The following LITAF variants were observed in gnomAD, a reference collection of about 807,000 sequenced individuals.
LITAF encodes the protein lipopolysaccharide induced TNF factor.
LITAF carries 9 observed loss-of-function variants against 14.5 expected under a neutral mutation model. That is an observed-to-expected ratio of 0.62 (90% CI 0.37 to 1.08). The LOEUF is 1.08. LITAF is among the 50% of genes least tolerant of loss of function. The pLI is 0.01. For missense variants in LITAF, 206 were observed against 213.4 expected (o/e 0.97, Z 0.22); for synonymous variants, 98 against 88.2 (o/e 1.11, Z -0.62).
intron 3 of LITAF, among the ~76,000 whole-genome samples, chr16:11,631,756 C>T (rs2065118831): frequency 2.0e-5 from 3 of 152,112 alleles, no homozygotes; most frequent in South Asian, 2.1e-4. Flanking sequence ...CACAGACACC[C>T]GTCATTGGGT....
intron 3 of LITAF, among the ~76,000 whole-genome samples, chr16:11,611,944 T>C (rs1197462893): frequency 6.6e-6 from 1 of 152,156 alleles, no homozygotes; most frequent in African/African-American, 2.4e-5. Flanking sequence ...GGATGACAGG[T>C]GTGAGCCGCT....
upstream of LITAF, among the ~76,000 whole-genome samples, chr16:11,638,074 A>C (rs189633227): frequency 1.3e-4 from 16 of 121,188 alleles, 3 homozygotes; most frequent in African/African-American, 4.4e-4. Context: ...ATCTATATAT[A>C]TATCTATATC....
At chr16:11,623,680 C>G (rs896767595) in intron 3 of LITAF, among the ~76,000 whole-genome samples, 1 of 148,716 alleles carries the variant, frequency 6.7e-6, no homozygotes, top group Admixed American at 6.8e-5. Context: ...AAGGATCTCT[C>G]TCTTGGCCAA....
rs1017195885 is a variant in LITAF, at chr16:11,558,371, A to G, written c.-5-1636T>C. Reference sequence around the variant, plus strand: ...GATAGCCTGAGCCCAGGATCTCAAGACTAACCTGGGCAACATGGTGAGACC... The same window carrying G: ...GATAGCCTGAGCCCAGGATCTCAAGGCTAACCTGGGCAACATGGTGAGACC... On this transcript the variant is annotated intron_variant, in intron 1 of 3. Transcript: ENST00000622633. The surrounding 1 kb of genome is among the most constrained non-coding windows in gnomAD (Gnocchi z 4.1). Among the ~76,000 whole-genome samples, 1 of 152,128 alleles carries G rather than the reference A, an allele frequency of 6.6e-6. No homozygotes were observed. The highest frequency in any genetic ancestry group is 1.9e-4 in the East Asian group (1 of 5,202).
intron 1 of LITAF, among the ~76,000 whole-genome samples, chr16:11,572,824 T>C (rs1381805023): frequency 6.6e-6 from 1 of 152,070 alleles, no homozygotes. Flanking sequence ...AACGCAGCGG[T>C]GTCAGAGAAG....
chr16:11,598,788 C>T (rs1368502842), upstream of LITAF, among the ~76,000 whole-genome samples: 1 of 152,088 alleles, frequency 6.6e-6, no homozygotes. Flanking sequence ...TGAGATAAAG[C>T]AGCAGGCACC....
At chr16:11,621,363 C>T (rs1370549669) in intron 3 of LITAF, among the ~76,000 whole-genome samples, 1 of 152,152 alleles carries the variant, frequency 6.6e-6, no homozygotes, top group African/African-American at 2.4e-5. Flanking sequence ...TGCACCCAGC[C>T]CCAGCCAATT....
intron 2 of LITAF, among the ~76,000 whole-genome samples, chr16:11,555,194 A>C (rs13333225): frequency 1.3e-5 from 2 of 151,816 alleles, no homozygotes; most frequent in Non-Finnish European, 2.9e-5. Flanking sequence ...CATCACACTC[A>C]GCTAATTTTA....
chr16:11,610,847 C>A lies in LITAF; in HGVS notation c.85+22686G>T, dbSNP rs116698650. Among the ~76,000 whole-genome samples the A allele has an allele frequency of 4.0e-3, 605 of 152,214 alleles. 6 individuals carry two copies. Among genetic ancestry groups the A allele is most frequent in the African/African-American group, 0.014 (578 of 41,540 alleles). On this transcript the variant is annotated intron_variant, in intron 3 of 3. Transcript: ENST00000574848. ...TGGCTCATGGGAGCAAGCCTTCACT[C>A]TTGGGTGGGGCTGGGGAAATGTGAA...
At chr16:11,598,679 T>G (rs894127274), upstream of LITAF, among the ~76,000 whole-genome samples, 1 of 152,090 alleles carries the variant, frequency 6.6e-6, no homozygotes, top group Non-Finnish European at 1.5e-5. Context: ...CCCTCTGGTC[T>G]CTTTCGCAGC....
In LITAF at chr16:11,605,795, T is replaced by C. The variant is rs991415961; in HGVS notation, c.85+27738A>G. 9.2e-5 allele frequency among the ~76,000 whole-genome samples: 14 copies of C among 152,202 alleles called. No individual in the cohort carries two copies. The highest frequency in any genetic ancestry group is 3.4e-4 in the African/African-American group (14 of 41,526). ...AGAAAGAGAAGCAAGAGAGTTACCG[T>C]GAGAGCCCCGAGAGCTTCCCACACT... is the stretch of plus-strand genomic sequence containing the variant. On this transcript the variant is annotated intron_variant, in intron 3 of 3. Coordinates refer to the LITAF transcript ENST00000574848. The surrounding 1 kb of genome is among the most constrained non-coding windows in gnomAD (Gnocchi z 4.7).
At chr16:11,618,462 CTG>C (rs1324572222) in intron 3 of LITAF, among the ~76,000 whole-genome samples, 2 of 152,218 alleles carry the variant, frequency 1.3e-5, no homozygotes, top group African/African-American at 4.8e-5. Flanking sequence ...TCTGCACTAA[CTG>C]TGGGCAGCTT....
rs2065129412 is a variant in LITAF, at chr16:11,634,166, T to C, written c.-20-529A>G. Among the ~76,000 whole-genome samples, 1 of 152,160 alleles carries C rather than the reference T, an allele frequency of 6.6e-6. No individual in the cohort carries two copies. Among genetic ancestry groups the C allele is most frequent in the South Asian group, 2.1e-4 (1 of 4,822 alleles). On this transcript the variant is annotated intron_variant, in intron 2 of 3. Coordinates refer to the LITAF transcript ENST00000574848. The surrounding 1 kb of genome is among the most constrained non-coding windows in gnomAD (Gnocchi z 4.1). ...CACATGCACACAGGTGAGACCATCT[T>C]TGCAAAAATTATAACAGAAAATTGT...
At position 11,605,680 on chromosome 16, in the gene LITAF, C is replaced by T. The variant is rs1042753004; in HGVS notation, c.85+27853G>A. ...GGCACGGAGGCCAAGGCAGGAGGATCGCTGGAGGCCAGGAGTTCGAAGCTG... is the reference window on the plus strand; with the variant it reads ...GGCACGGAGGCCAAGGCAGGAGGATTGCTGGAGGCCAGGAGTTCGAAGCTG... On this transcript the variant is annotated intron_variant, in intron 3 of 3. Transcript: ENST00000574848. This position sits in a 1 kb window ranked among gnomAD's most constrained non-coding sequence, Gnocchi z 4.7. 5.9e-5 allele frequency among the ~76,000 whole-genome samples: 9 copies of T among 152,190 alleles called. No individual in the cohort carries two copies. Among genetic ancestry groups the T allele is most frequent in the African/African-American group, 2.2e-4 (9 of 41,444 alleles).
chr16:11,587,357 T>A, upstream of LITAF: 1 of 452,838 alleles, frequency 2.2e-6, no homozygotes, highest in Non-Finnish European at 4.4e-6. Context: ...GGACCCGCGC[T>A]GGGGCGCTCC....
chr16:11,608,173 G>T (rs912719979), intron 3 of LITAF, among the ~76,000 whole-genome samples: 1 of 152,206 alleles, frequency 6.6e-6, no homozygotes, highest in African/African-American at 2.4e-5. Context: ...TTGCGTCACA[G>T]ATAAACCCCA....
At chr16:11,563,187 C>T (rs913369993) in intron 1 of LITAF, among the ~76,000 whole-genome samples, 3 of 151,794 alleles carry the variant, frequency 2.0e-5, no homozygotes, top group Non-Finnish European at 4.4e-5. Flanking sequence ...CTCACTCTGT[C>T]GCCTAGACTG....
intron 1 of LITAF, among the ~76,000 whole-genome samples, chr16:11,593,354 CAAAAAA>C (rs57678584): frequency 7.3e-5 from 4 of 54,752 alleles, no homozygotes; most frequent in Admixed American, 2.4e-4. Flanking sequence ...AACTCTGTCT[CAAAAAA>C]AAAAAAAAAA....
At chr16:11,615,993 T>C (rs2065017318) in intron 3 of LITAF, among the ~76,000 whole-genome samples, 2 of 152,204 alleles carry the variant, frequency 1.3e-5, no homozygotes, top group East Asian at 1.9e-4. Flanking sequence ...TAATCAATTA[T>C]GCCTACGTCA....
Sources: allele counts gnomAD v4.1 joint callset (sites outside exome capture counted in the v4.1 genomes callset), GRCh38; gene constraint gnomAD v4.1.1; non-coding constraint Gnocchi (gnomAD v3.1); transcripts MANE v1.5; gene names NCBI Gene and HGNC (gene_info 2026-07-23, HGNC 2026-07-21).